ATXN7L1: variants seen among roughly 807,000 people sequenced by gnomAD.
ATXN7L1 encodes ataxin-7-like protein 1.
In ATXN7L1, 15 loss-of-function variants were observed where a neutral mutation model predicts 70.8. That is an observed-to-expected ratio of 0.21 (90% CI 0.14 to 0.33). ATXN7L1 has a LOEUF of 0.33. ATXN7L1 is among the 10% of genes least tolerant of loss of function. The pLI is 1.00. For synonymous variants in ATXN7L1, 440 were observed against 445.1 expected (o/e 0.99, Z 0.14); for missense variants, 975 against 1,097.1 (o/e 0.89, Z 1.57).
intron 10 of ATXN7L1, among the ~76,000 whole-genome samples, chr7:105,611,281 T>C (rs1383951272): frequency 5.3e-5 from 8 of 152,262 alleles, no homozygotes; most frequent in Non-Finnish European, 5.9e-5. Flanking sequence ...AACCAGTCCC[T>C]GTCTAGTCTG....
intron 3 of ATXN7L1, among the ~76,000 whole-genome samples, chr7:105,749,908 T>C (rs571641895): frequency 1.8e-4 from 28 of 151,936 alleles, no homozygotes; most frequent in Admixed American, 6.6e-5. Flanking sequence ...CTGTTGGCTG[T>C]ATTCTGGGCA....
chr7:105,637,722 T>A (rs1797596942), intron 7 of ATXN7L1, among the ~76,000 whole-genome samples: 1 of 152,212 alleles, frequency 6.6e-6, no homozygotes. Flanking sequence ...ATTTTTTCAT[T>A]TCTGTCCAGG....
intron 3 of ATXN7L1, among the ~76,000 whole-genome samples, chr7:105,666,690 C>T (rs141922428): frequency 2.6e-5 from 4 of 152,328 alleles, no homozygotes; most frequent in Non-Finnish European, 5.9e-5. Context: ...TTGACCAGTG[C>T]TCATATGCTG....
chr7:105,767,345 G>A (rs973955928), intron 3 of ATXN7L1, among the ~76,000 whole-genome samples: 7 of 151,820 alleles, frequency 4.6e-5, no homozygotes, highest in African/African-American at 9.7e-5. Flanking sequence ...CCCTATACTC[G>A]CCAGCCCCTG....
At chr7:105,737,116 T>C (rs1797465012) in intron 3 of ATXN7L1, among the ~76,000 whole-genome samples, 1 of 152,250 alleles carries the variant, frequency 6.6e-6, no homozygotes, top group African/African-American at 2.4e-5. Context: ...TTTATGATTA[T>C]TGGTCTATTC....
Position 105,667,616 on chromosome 7 carries a change from G to C in ATXN7L1, c.356-2328C>G, listed in dbSNP as rs867737091. The stretch of plus-strand genomic sequence containing the variant: ...TGGGAGGCTGAGGCGGGAGAATGGC[G>C]TGAACCCGGGAGGCGGAGCTTGCGG... On this transcript the variant is annotated intron_variant, in intron 3 of 11. Coordinates refer to ENST00000419735, the MANE Select transcript of ATXN7L1 (RefSeq NM_020725.2). Among the ~76,000 whole-genome samples the C allele has an allele frequency of 2.4e-4, 26 of 109,610 alleles. 3 individuals carry two copies. The highest frequency in any genetic ancestry group is 4.8e-4 in the Non-Finnish European group (24 of 49,962). The allele number at this position is 109,610 out of a possible 152,430, so 71.9% of individuals were successfully genotyped here.
At chr7:105,701,689 G>C (rs1307482961) in intron 3 of ATXN7L1, among the ~76,000 whole-genome samples, 1 of 152,114 alleles carries the variant, frequency 6.6e-6, no homozygotes, top group Non-Finnish European at 1.5e-5. Flanking sequence ...ATCTTTATTG[G>C]ATAATTCTTA....
chr7:105,785,457 CA>C (rs201070579), intron 3 of ATXN7L1, among the ~76,000 whole-genome samples: 1 of 147,620 alleles, frequency 6.8e-6, no homozygotes, highest in Non-Finnish European at 1.5e-5. Flanking sequence ...CAGTCTGACT[CA>C]AAAAAAAACA....
intron 2 of ATXN7L1, among the ~76,000 whole-genome samples, 186 bp downstream of exon 2, chr7:105,875,626 T>TTCCCCC (rs146310508): frequency 1.7e-5 from 1 of 59,556 alleles, no homozygotes; most frequent in East Asian, 1.3e-3. Flanking sequence ...CACCCCCCTT[T>TTCCCCC]ACCCCCCCCC....
rs949405058 is a variant in ATXN7L1 at position 105,683,662 on chromosome 7, G to C, written c.356-18374C>G. ...TGCACTCCAGCCTGGGTGACAGAGC[G>C]AGATTCCGTCTCAAAACAAACAAAC... On this transcript the variant is annotated intron_variant, in intron 3 of 11. Transcript: ENST00000419735. Among the ~76,000 whole-genome samples, 7 of 152,150 alleles carry C rather than the reference G, an allele frequency of 4.6e-5. No individual in the cohort carries two copies. In the Middle Eastern group the frequency reaches 0.01, roughly 222 times the overall value.
At chr7:105,788,759 G>C (rs781722916) in intron 2 of ATXN7L1, 51 bp from the exon 3 acceptor site, 1 of 1,413,070 alleles carries the variant, frequency 7.1e-7, no homozygotes, top group East Asian at 2.3e-5. Context: ...TTAAGTCTCA[G>C]AAGGTGTACA....
intron 2 of ATXN7L1, among the ~76,000 whole-genome samples, chr7:105,846,397 A>G (rs1814045935): frequency 6.6e-6 from 1 of 152,226 alleles, no homozygotes; most frequent in Admixed American, 6.5e-5. Flanking sequence ...AGGAAAATGC[A>G]AATCAAAACC....
chr7:105,665,339 GC>G, intron 3 of ATXN7L1, 51 bp from the exon 4 acceptor site: 1 of 1,417,824 alleles, frequency 7.1e-7, no homozygotes, highest in Non-Finnish European at 9.7e-7. Context: ...AGCAGGTGAG[GC>G]TCCCACACAC....
At chr7:105,707,143 G>C (rs1055779771) in intron 3 of ATXN7L1, among the ~76,000 whole-genome samples, 6 of 152,130 alleles carry the variant, frequency 3.9e-5, no homozygotes, top group Admixed American at 2.6e-4. Flanking sequence ...AGGAATACTG[G>C]GCTTCCTGGT....
Position 105,638,569 on chromosome 7 carries a change from T to A in ATXN7L1, c.986A>T (p.Lys329Ile), listed in dbSNP as rs1453738063. The A allele has an allele frequency of 4.5e-6, 7 of 1,551,878 alleles. No individual in the cohort carries two copies. The East Asian group carries it at 1.5e-4, about 32-fold the overall frequency. ...LSHRRAVPGR[K>I]KQFDLLLAEH... ...TGCCAGGAGGAGGTCAAATTGCTTT[T>A]TCCGGCCTGGGACTGCCCTCCGATG... Residue 329 changes from lysine (K) to isoleucine (I), a missense_variant, in exon 7 of 12, where the codon AAA becomes ATA. Around this residue, in one of 5 missense-constraint regions of ATXN7L1, gnomAD observed 635 missense variants for 699.4 expected, o/e 0.91. Transcript: ENST00000419735.
chr7:105,816,880 C>T (rs904996152), intron 2 of ATXN7L1, among the ~76,000 whole-genome samples: 5 of 152,230 alleles, frequency 3.3e-5, no homozygotes, highest in African/African-American at 1.2e-4. Context: ...CAGGGGGAAA[C>T]AGGCATGGGT....
At chr7:105,875,629 C>CG (rs1554490214) in intron 2 of ATXN7L1, among the ~76,000 whole-genome samples, 183 bp downstream of exon 2, 3 of 113,694 alleles carry the variant, frequency 2.6e-5, no homozygotes, top group Non-Finnish European at 5.7e-5. Flanking sequence ...CCCCCTTTAC[C>CG]CCCCCCCCAG....
chr7:105,788,816 G>T (rs574440983), intron 2 of ATXN7L1, 108 bp from the exon 3 acceptor site: 34 of 851,656 alleles, frequency 4.0e-5, no homozygotes, highest in Non-Finnish European at 6.2e-5. Flanking sequence ...AACACAACAC[G>T]CAGAAAGGCA....
At chr7:105,630,358 C>T (rs182219194) in intron 7 of ATXN7L1, among the ~76,000 whole-genome samples, 22 of 152,288 alleles carry the variant, frequency 1.4e-4, no homozygotes, top group Admixed American at 1.2e-3. Flanking sequence ...GTGATACTTA[C>T]GACGATGACT....
Sources: allele counts gnomAD v4.1 joint callset (sites outside exome capture counted in the v4.1 genomes callset), GRCh38; gene constraint gnomAD v4.1.1; regional missense constraint gnomAD v4.1.1; transcripts MANE v1.5; gene names NCBI Gene and HGNC (gene_info 2026-07-23, HGNC 2026-07-21).